Variants in SCML2 observed in about 807,000 individuals in gnomAD.
SCML2 encodes the protein sex comb on midleg-like protein 2.
Under a neutral mutation model 48.4 loss-of-function variants are expected in SCML2, and 6 were observed. The ratio of observed to expected loss-of-function variants is 0.12; its 90% CI spans 0.07 to 0.24. The LOEUF is 0.24. Among genes scored for constraint, SCML2 ranks in the 10% least tolerant of loss-of-function variants. The pLI is 1.00. For missense variants in SCML2, 377 were observed against 528.2 expected (o/e 0.71, Z 2.81); for synonymous variants, 181 against 189.5 (o/e 0.95, Z 0.37).
intron 7 of SCML2, among the ~76,000 whole-genome samples, chrX:18,285,177 T>A (rs1208683491): frequency 9.0e-6 from 1 of 111,082 alleles, no homozygotes; most frequent in Non-Finnish European, 1.9e-5. Flanking sequence ...AGAACTACCA[T>A]TCGGCCCAGC....
At chrX:18,251,474 T>C (rs1034037512) in intron 11 of SCML2, among the ~76,000 whole-genome samples, 1 of 110,766 alleles carries the variant, frequency 9.0e-6, no homozygotes, top group Non-Finnish European at 1.9e-5. Context: ...CAATTAAAAA[T>C]GGACAAAGGA....
chrX:18,275,321 G>A (rs982254855), intron 7 of SCML2, among the ~76,000 whole-genome samples: 1 of 112,380 alleles, frequency 8.9e-6, no homozygotes, highest in Non-Finnish European at 1.9e-5. Flanking sequence ...TCTTCACAGA[G>A]ATCGATCCTC....
chrX:18,295,723 C>A (rs949463901), intron 7 of SCML2, among the ~76,000 whole-genome samples: 1 of 108,172 alleles, frequency 9.2e-6, no homozygotes, highest in African/African-American at 3.4e-5. Flanking sequence ...AGAACAGGCA[C>A]GCTCGGCCCT....
At chrX:18,287,630 A>G (rs1401927953) in intron 7 of SCML2, among the ~76,000 whole-genome samples, 1 of 111,859 alleles carries the variant, frequency 8.9e-6, no homozygotes, top group African/African-American at 3.2e-5. Context: ...CCTAAGTGAC[A>G]ATGCCATTTT....
intron 5 of SCML2, among the ~76,000 whole-genome samples, chrX:18,322,402 C>T (rs1929347959): frequency 8.9e-6 from 1 of 111,777 alleles, no homozygotes. Flanking sequence ...TACCATATTG[C>T]AACAAGAGAA....
chrX:18,269,817 A>C (rs1001810109), intron 7 of SCML2, among the ~76,000 whole-genome samples: 1 of 111,408 alleles, frequency 9.0e-6, no homozygotes, highest in Non-Finnish European at 1.9e-5. Context: ...ATATAAAATA[A>C]GCAGTTAAAT....
chrX:18,340,581 G>A (rs181982276), intron 1 of SCML2, among the ~76,000 whole-genome samples: 9 of 111,291 alleles, frequency 8.1e-5, no homozygotes, highest in African/African-American at 1.3e-4. Flanking sequence ...AGGCCACGGC[G>A]GGCAGATCAC....
intron 1 of SCML2, among the ~76,000 whole-genome samples, chrX:18,336,300 G>T (rs746680899): frequency 9.2e-6 from 1 of 108,575 alleles, no homozygotes; most frequent in Admixed American, 9.9e-5. Context: ...TTAGCTGGGC[G>T]TGGTGGCATG....
intron 7 of SCML2, among the ~76,000 whole-genome samples, chrX:18,284,801 G>A (rs1487028059): frequency 8.9e-6 from 1 of 112,453 alleles, no homozygotes; most frequent in Non-Finnish European, 1.9e-5. Flanking sequence ...AGCATTTTGG[G>A]AGGCTGAGGC....
At chrX:18,346,239 CT>C (rs772706879) in intron 1 of SCML2, among the ~76,000 whole-genome samples, 11 of 106,203 alleles carry the variant, frequency 1.0e-4, no homozygotes, top group Non-Finnish European at 7.8e-5. Context: ...GTTGATTGGC[CT>C]TTTTTTTTTA....
intron 7 of SCML2, among the ~76,000 whole-genome samples, chrX:18,298,776 T>C (rs1928481962): frequency 9.2e-6 from 1 of 108,820 alleles, no homozygotes; most frequent in African/African-American, 3.4e-5. Context: ...TGCACCAAGA[T>C]TGCACTGCAC....
At chrX:18,331,259 CAAAAAAAAAAAAAAAAAA>C (rs35589774) in intron 2 of SCML2, among the ~76,000 whole-genome samples, 4 of 16,269 alleles carry the variant, frequency 2.5e-4, no homozygotes, top group Admixed American at 1.8e-3. Flanking sequence ...GACTCCGTCT[CAAAAAAAAAAAAAAAAAA>C]AAAAAAAAAA....
Position 18,320,346 on chromosome X carries a change from T to C in SCML2, c.472A>G (p.Thr158Ala). ...TLNGSEMASA[T>A]LFKKEPPKPP... ...ATCTTTCTTACCTTCTTAAATAATG[T>C]GGCAGATGCCATTTCAGACCCATTT... The change falls in exon 6 of 15, where the codon ACA (threonine) becomes GCA (alanine). Residue 158 changes from threonine (T) to alanine (A), a missense_variant. By Grantham distance (58) the Thr-to-Ala change is moderately conservative. Around this residue, in one of 3 missense-constraint regions of SCML2, gnomAD observed 299 missense variants for 425.5 expected, o/e 0.70. Transcript: ENST00000251900. 8.8e-7 allele frequency: 1 copy of C among 1,137,742 alleles called. No homozygotes were observed. The highest frequency in any genetic ancestry group is 2.2e-5 in the South Asian group (1 of 45,760). The allele number at this position is 1,137,742 out of a possible 1,213,427, so 93.8% of individuals were successfully genotyped here.
At chrX:18,262,623 G>C (rs1355573711) in intron 8 of SCML2, among the ~76,000 whole-genome samples, 1 of 108,281 alleles carries the variant, frequency 9.2e-6, no homozygotes, top group Non-Finnish European at 1.9e-5. Context: ...TTACAGGCGT[G>C]AGCCACCACG....
chrX:18,334,639 A>G (rs1192561434), intron 1 of SCML2, among the ~76,000 whole-genome samples: 2 of 111,324 alleles, frequency 1.8e-5, no homozygotes, highest in Non-Finnish European at 3.8e-5. Flanking sequence ...ATTTTGAGCT[A>G]TAATTCATTA....
intron 10 of SCML2, 119 bp from the exon 11 acceptor site, chrX:18,257,149 A>G (rs775775677): frequency 1.8e-5 from 8 of 432,615 alleles, no homozygotes; most frequent in African/African-American, 1.8e-4. Context: ...GTTCTTTGTA[A>G]TTCATAAAGG....
chrX:18,319,701 GAATTT>G (rs1328865872), intron 6 of SCML2, among the ~76,000 whole-genome samples: 3 of 110,553 alleles, frequency 2.7e-5, no homozygotes, highest in African/African-American at 9.9e-5. Flanking sequence ...CTATTGTTAC[GAATTT>G]AATTGTATCA....
chrX:18,309,101 T>C (rs1313512452), intron 6 of SCML2, among the ~76,000 whole-genome samples: 1 of 106,976 alleles, frequency 9.3e-6, no homozygotes, highest in Non-Finnish European at 1.9e-5. Context: ...CTTGAGAGGC[T>C]GAGGCATGAG....
chrX:18,312,062 G>A (rs995295204), intron 6 of SCML2, among the ~76,000 whole-genome samples: 1 of 112,007 alleles, frequency 8.9e-6, no homozygotes, highest in African/African-American at 3.2e-5. Flanking sequence ...AATGTGCTGG[G>A]ATTACAGGCG....
Sources: allele counts gnomAD v4.1 joint callset (sites outside exome capture counted in the v4.1 genomes callset), GRCh38; gene constraint gnomAD v4.1.1; regional missense constraint gnomAD v4.1.1; transcripts MANE v1.5; gene names NCBI Gene and HGNC (gene_info 2026-07-23, HGNC 2026-07-21).